MTUS1: variants seen among roughly 807,000 people sequenced by gnomAD.
MTUS1 encodes microtubule-associated tumor suppressor 1.
A neutral mutation model predicts 120.8 loss-of-function variants in MTUS1; 109 were observed. That is an observed-to-expected ratio of 0.90 (90% CI 0.77 to 1.06). MTUS1 has a LOEUF of 1.06. Among genes scored for constraint, MTUS1 ranks in the 50% least tolerant of loss-of-function variants. The pLI, the probability that MTUS1 is intolerant of heterozygous loss-of-function variation, is 0.00. For synonymous variants in MTUS1, 737 were observed against 550.5 expected (o/e 1.34, Z -4.74); for missense variants, 2,210 against 1,486.3 (o/e 1.49, Z -8.01).
intron 6 of MTUS1, chr8:17,697,112 ATT>A (rs1046705089): frequency 1.3e-5 from 14 of 1,059,574 alleles, no homozygotes; most frequent in Middle Eastern, 3.3e-4. Context: ...ACAGAAAACA[ATT>A]TTTAAATTAA....
intron 1 of MTUS1, among the ~76,000 whole-genome samples, chr8:17,793,536 G>A (rs1021842388): frequency 6.6e-6 from 1 of 152,082 alleles, no homozygotes; most frequent in Non-Finnish European, 1.5e-5. Flanking sequence ...ATTTATTCCA[G>A]ACCACATCTG....
intron 1 of MTUS1, among the ~76,000 whole-genome samples, chr8:17,767,431 T>C (rs931214391): frequency 2.6e-5 from 4 of 151,556 alleles, no homozygotes; most frequent in African/African-American, 9.7e-5. Flanking sequence ...GTACAGTGGC[T>C]CATAGCTGTA....
At chr8:17,782,646 T>G (rs774092591) in intron 1 of MTUS1, among the ~76,000 whole-genome samples, 2 of 152,356 alleles carry the variant, frequency 1.3e-5, no homozygotes, top group Non-Finnish European at 2.9e-5. Context: ...AAGGCCATCA[T>G]GACATCAAAA....
chr8:17,713,924 C>G (rs1821821552), intron 5 of MTUS1, among the ~76,000 whole-genome samples: 1 of 152,176 alleles, frequency 6.6e-6, no homozygotes, highest in African/African-American at 2.4e-5. Flanking sequence ...GATTCCCACA[C>G]AGGTAAAACT....
At chr8:17,711,948 G>GTT (rs914419522) in intron 6 of MTUS1, among the ~76,000 whole-genome samples, 4 of 152,150 alleles carry the variant, frequency 2.6e-5, no homozygotes, top group Admixed American at 1.3e-4. Context: ...AAATGCAAAC[G>GTT]TATCAGCTGT....
intron 12 of MTUS1, 129 bp downstream of exon 12, chr8:17,653,057 A>C (rs1807374331): frequency 1.6e-6 from 1 of 609,868 alleles, no homozygotes; most frequent in Non-Finnish European, 2.9e-6. Flanking sequence ...ACACCTTAGA[A>C]AGCACATTGC....
At chr8:17,767,607 G>T (rs2131421174) in intron 1 of MTUS1, among the ~76,000 whole-genome samples, 1 of 150,992 alleles carries the variant, frequency 6.6e-6, no homozygotes, top group East Asian at 2.0e-4. Context: ...CTGAGGGCAG[G>T]AGGACTGCCT....
chr8:17,756,863 T>C (rs1333667552), intron 1 of MTUS1, among the ~76,000 whole-genome samples: 1 of 151,938 alleles, frequency 6.6e-6, no homozygotes, highest in Non-Finnish European at 1.5e-5. Context: ...CTGAGAAGAG[T>C]AGGAGAGCTC....
At chr8:17,748,591 G>T (rs1277897362) in intron 2 of MTUS1, among the ~76,000 whole-genome samples, 1 of 152,202 alleles carries the variant, frequency 6.6e-6, no homozygotes, top group East Asian at 1.9e-4. Context: ...GCCCTCTGGG[G>T]CTTTAGGGTC....
At chr8:17,757,183 T>A (rs539520257) in intron 1 of MTUS1, among the ~76,000 whole-genome samples, 1 of 152,298 alleles carries the variant, frequency 6.6e-6, no homozygotes, top group East Asian at 1.9e-4. Context: ...CAAAATGTAC[T>A]CTTATGCATT....
intron 7 of MTUS1, chr8:17,676,235 G>C: frequency 1.4e-6 from 1 of 702,940 alleles, no homozygotes; most frequent in African/African-American, 1.7e-5. Flanking sequence ...CAGTAGTCCT[G>C]ACATTCTTCC....
chr8:17,654,756 G>C, intron 9 of MTUS1, 90 bp from the exon 10 acceptor site: 3 of 859,550 alleles, frequency 3.5e-6, no homozygotes, highest in South Asian at 2.8e-5. Flanking sequence ...AGACGTCACA[G>C]CTTCACAGGT....
At chr8:17,787,353 C>G (rs1194664723) in intron 1 of MTUS1, among the ~76,000 whole-genome samples, 1 of 152,216 alleles carries the variant, frequency 6.6e-6, no homozygotes, top group South Asian at 2.1e-4. Context: ...CATCCCTCCT[C>G]CTCTGAGATG....
At chr8:17,698,019 T>C (rs1461793458) in intron 6 of MTUS1, among the ~76,000 whole-genome samples, 2 of 152,206 alleles carry the variant, frequency 1.3e-5, no homozygotes, top group African/African-American at 2.4e-5. Flanking sequence ...ATAAATGTTC[T>C]CAACTACAAT....
At chr8:17,664,842 A>T (rs1810552101) in intron 8 of MTUS1, among the ~76,000 whole-genome samples, 1 of 152,178 alleles carries the variant, frequency 6.6e-6, no homozygotes, top group South Asian at 2.1e-4. Flanking sequence ...AGGTAGTAAC[A>T]TCACTGAACA....
chr8:17,688,502 G>C (rs1415336940), intron 6 of MTUS1, among the ~76,000 whole-genome samples: 1 of 152,214 alleles, frequency 6.6e-6, no homozygotes, highest in Non-Finnish European at 1.5e-5. Context: ...CAAAACATAG[G>C]TTATGAACTC....
Position 17,753,746 on chromosome 8 carries a change from C to T in MTUS1, c.2062G>A (p.Glu688Lys). 1 of 1,607,296 alleles carries T rather than the reference C, an allele frequency of 6.2e-7. No homozygotes were observed. Among genetic ancestry groups the T allele is most frequent in the South Asian group, 1.1e-5 (1 of 88,932 alleles). Reference protein sequence around the residue: ...KQELKQEIMNETFEYGSLFLG... With the variant: ...KQELKQEIMNKTFEYGSLFLG... ...AACAGAGAACCATATTCAAAAGTCT[C>T]ATTCATAATCTCTTGTTTCAGCTCT... Residue 688 changes from glutamate to lysine, a missense_variant, in exon 2 of 15, where the codon GAG (glutamate) becomes AAG (lysine). By Grantham distance (56) the Glu-to-Lys change is moderately conservative (BLOSUM62 1). Transcript: ENST00000693296.
chr8:17,755,358 G>A lies in MTUS1; in HGVS notation c.450C>T (p.Gly150=), dbSNP rs771113260. 2.5e-6 allele frequency: 4 copies of A among 1,614,050 alleles called. No individual in the cohort carries two copies. The highest frequency in any genetic ancestry group is 2.7e-5 in the African/African-American group (2 of 74,946). ...GGTTTAGCTCCAAGGCATCACAGTA[G>A]CCTGCACAGTTCAAATTGTCATTAG... ...WKPNDNLNCA[G]YCDALELNQT... The change falls in exon 2 of 15, where the codon GGC becomes GGT. Residue 150 remains glycine (G), a synonymous_variant. Transcript: ENST00000693296.
At chr8:17,768,375 T>G (rs759945604) in intron 1 of MTUS1, among the ~76,000 whole-genome samples, 2 of 152,184 alleles carry the variant, frequency 1.3e-5, no homozygotes, top group Non-Finnish European at 2.9e-5. Flanking sequence ...AGATCTGGGT[T>G]AAAATGAATA....
Sources: gnomAD v4.1 joint callset for allele counts (sites outside exome capture counted in the v4.1 genomes callset) on GRCh38, gnomAD v4.1.1 for gene constraint, MANE v1.5 for transcripts, NCBI Gene and HGNC (gene_info 2026-07-23, HGNC 2026-07-21) for gene names.